Variants in ZMYM4 observed in about 807,000 individuals in gnomAD.
ZMYM4 encodes the protein zinc finger MYM-type containing 4.
A neutral mutation model predicts 183.2 loss-of-function variants in ZMYM4; 31 were observed. The ratio of observed to expected loss-of-function variants is 0.17; its 90% confidence interval spans 0.13 to 0.23. The LOEUF (loss-of-function observed/expected upper bound fraction) is 0.23. Ranked by LOEUF, ZMYM4 falls within the 10% of genes least tolerant of loss-of-function variation. The probability of loss-of-function intolerance (pLI) is 1.00; values close to 1 mark genes in which losing one functional copy is unlikely to be tolerated. For synonymous variants in ZMYM4, 592 were observed against 631.2 expected, an observed-to-expected ratio of 0.94 and a Z score of 0.93; for missense variants, 1,273 against 1,840.3, an observed-to-expected ratio of 0.69 and a Z score of 5.64.
intron 1 of ZMYM4, among the ~76,000 whole-genome samples, chr1:35,298,171 T>TAAAAA (rs1641108302): frequency 6.6e-6 from 1 of 152,130 alleles, no homozygotes; most frequent in Non-Finnish European, 1.5e-5. Context: ...GGGGCAGGCT[T>TAAAAA]TTGCTGGCAA....
chr1:35,269,184 C>T (rs1313202599), intron 1 of ZMYM4, 99 bp downstream of exon 1: 2 of 1,409,328 alleles, frequency 1.4e-6, no homozygotes, highest in Non-Finnish European at 1.9e-6. Context: ...CGCCGAGGCC[C>T]AGTTAGGACA....
intron 2 of ZMYM4, among the ~76,000 whole-genome samples, chr1:35,339,377 G>A (rs1212724470): frequency 6.6e-6 from 1 of 152,052 alleles, no homozygotes; most frequent in Non-Finnish European, 1.5e-5. Flanking sequence ...TGGGATTATA[G>A]GCACCTGCCA....
chr1:35,385,999 AGTATT>A, intron 10 of ZMYM4, 70 bp from the exon 11 acceptor site: 1 of 1,065,574 alleles, frequency 9.4e-7, no homozygotes, highest in Non-Finnish European at 1.4e-6. Flanking sequence ...TATATTGTAT[AGTATT>A]ATTTAATTTC....
rs78279826 is a variant in ZMYM4 at position 35,384,805 on chromosome 1, C to A, written c.1570-637C>A. Among the ~76,000 whole-genome samples the A allele has an allele frequency of 8.6e-3, 1,279 of 149,566 alleles. 35 individuals carry two copies. Among genetic ancestry groups the A allele is most frequent in the East Asian group, 0.081 (414 of 5,118 alleles). Reference sequence around the variant, plus strand: ...TATTAATAGACCCTGAAATTAATTACTAGGTTATAACCAGCATTATTATTT... The same window carrying A: ...TATTAATAGACCCTGAAATTAATTAATAGGTTATAACCAGCATTATTATTT... On this transcript the variant is annotated intron_variant, in intron 9 of 29. Coordinates refer to ENST00000314607, the MANE Select transcript of ZMYM4 (RefSeq NM_005095.3).
chr1:35,328,477 G>A (rs1274139743), intron 2 of ZMYM4, among the ~76,000 whole-genome samples: 2 of 32,112 alleles, frequency 6.2e-5, no homozygotes, highest in African/African-American at 1.4e-4. Context: ...TTTTTTTTTT[G>A]TAGAGATTAG....
chr1:35,376,035 T>TGG (rs1644326941), intron 7 of ZMYM4, among the ~76,000 whole-genome samples: 1 of 151,684 alleles, frequency 6.6e-6, no homozygotes, highest in African/African-American at 2.4e-5. Context: ...ATGATCACAC[T>TGG]CCTGCTCTTC....
rs1306657984 is a variant in ZMYM4, at chr1:35,421,621, T to C, written c.*1944T>C. On this transcript the variant is annotated 3_prime_UTR_variant, in exon 30 of 30. Transcript: ENST00000314607. ...TTACTGAGAACACCCAATACCCAGATAAATGACTGTATCAGGATTTCATTT... is the reference window on the plus strand; with the variant it reads ...TTACTGAGAACACCCAATACCCAGACAAATGACTGTATCAGGATTTCATTT... The C allele has an allele frequency of 2.0e-5, 3 of 152,238 alleles. No homozygotes were observed. The highest frequency in any genetic ancestry group is 4.4e-5 in the Non-Finnish European group (3 of 68,030). 9.4% of individuals were successfully genotyped at this position (152,238 alleles called of 1,614,324 possible).
Position 35,370,058 on chromosome 1 carries a change from T to C in ZMYM4, c.870T>C (p.Thr290=). The change falls in exon 6 of 30, where the codon ACT becomes ACC. Residue 290 remains threonine (T), a synonymous_variant. Coordinates refer to ENST00000314607, the MANE Select transcript of ZMYM4 (RefSeq NM_005095.3). ...QEYSHGQQQK[T]QEGELKISAV... ...ATAGTCATGGCCAACAGCAAAAAAC[T>C]CAAGAGGGGGAACTGAAAATTAGTG... 1.2e-6 allele frequency: 2 copies of C among 1,613,426 alleles called. No individual in the cohort carries two copies. Among genetic ancestry groups the C allele is most frequent in the Non-Finnish European group, 1.7e-6 (2 of 1,179,566 alleles).
At chr1:35,305,549 C>T (rs1641497523) in intron 1 of ZMYM4, among the ~76,000 whole-genome samples, 1 of 149,886 alleles carries the variant, frequency 6.7e-6, no homozygotes, top group African/African-American at 2.5e-5. Flanking sequence ...CATGTTTTCT[C>T]TTCTTTTTTT....
In ZMYM4 at chr1:35,381,763, A is replaced by G. The variant is rs940183835; in HGVS notation, c.1569+5A>G. 5.6e-6 allele frequency: 9 copies of G among 1,613,498 alleles called. No homozygotes were observed. The highest frequency in any genetic ancestry group is 4.0e-5 in the African/African-American group (3 of 74,920). On this transcript the variant is annotated splice_donor_5th_base_variant and intron_variant, in intron 9 of 29. Coordinates refer to ENST00000314607, the MANE Select transcript of ZMYM4 (RefSeq NM_005095.3). ...TGTATCACGGCATACAAGCAGGTAC[A>G]TGACCATATTTAATCTTGATGTCTT...
rs1274754108 is a variant in ZMYM4, at chr1:35,329,644, C to A, written c.85+4239C>A. On this transcript the variant is annotated intron_variant, in intron 2 of 29. Transcript: ENST00000314607. ...AGTTATTTGGATTCTAAAAATTATT[C>A]TTATTATTTTGACTACTTTCAGTGT... Among the ~76,000 whole-genome samples, 8 of 152,028 alleles carry A rather than the reference C, an allele frequency of 5.3e-5. No homozygotes were observed. The East Asian group carries it at 1.3e-3, about 26-fold the overall frequency.
chr1:35,274,041 TAATAA>T (rs1479445644), intron 1 of ZMYM4, among the ~76,000 whole-genome samples: 2 of 152,222 alleles, frequency 1.3e-5, no homozygotes, highest in Non-Finnish European at 2.9e-5. Flanking sequence ...TAATATTTTA[TAATAA>T]AATAATTGCA....
At chr1:35,307,190 A>T (rs1641571388) in intron 1 of ZMYM4, among the ~76,000 whole-genome samples, 1 of 152,186 alleles carries the variant, frequency 6.6e-6, no homozygotes, top group African/African-American at 2.4e-5. Context: ...TTGAATTCTT[A>T]GTAGTATCAT....
At chr1:35,282,979 G>GTTTTTTTTTTTTTTTTTTTTTTTT (rs1452098602) in intron 1 of ZMYM4, among the ~76,000 whole-genome samples, 1 of 43,240 alleles carries the variant, frequency 2.3e-5, no homozygotes, top group Non-Finnish European at 6.2e-5. Flanking sequence ...CTGTGTGTGT[G>GTTTTTTTTTTTTTTTTTTTTTTTT]GTTTTTTTTT....
chr1:35,335,894 A>C (rs1642954489), intron 2 of ZMYM4, among the ~76,000 whole-genome samples: 1 of 152,220 alleles, frequency 6.6e-6, no homozygotes. Flanking sequence ...CGGAGCTTGC[A>C]GTGAGCCTGG....
intron 1 of ZMYM4, among the ~76,000 whole-genome samples, chr1:35,299,498 T>C (rs1033926398): frequency 6.6e-6 from 1 of 152,174 alleles, no homozygotes; most frequent in Non-Finnish European, 1.5e-5. Context: ...TTACTTGGTG[T>C]ACACCCTTTG....
intron 2 of ZMYM4, among the ~76,000 whole-genome samples, chr1:35,346,650 C>CAAAAAAAAAAAAAAA (rs746472685): frequency 2.8e-4 from 15 of 54,166 alleles, no homozygotes; most frequent in Non-Finnish European, 4.2e-4. Flanking sequence ...GACTCCATCT[C>CAAAAAAAAAAAAAAA]AAAAAAAAAA....
At chr1:35,320,293 A>G (rs899619565) in intron 1 of ZMYM4, among the ~76,000 whole-genome samples, 1 of 152,232 alleles carries the variant, frequency 6.6e-6, no homozygotes, top group Non-Finnish European at 1.5e-5. Context: ...TCATGGCTGC[A>G]TAATGAAGCC....
chr1:35,335,882 G>A (rs1369164317), intron 2 of ZMYM4, among the ~76,000 whole-genome samples: 5 of 152,202 alleles, frequency 3.3e-5, no homozygotes, highest in Non-Finnish European at 7.3e-5. Context: ...GAACCTGGGA[G>A]GCGGAGCTTG....
Sources: allele counts gnomAD v4.1 joint callset (sites outside exome capture counted in the v4.1 genomes callset), GRCh38; gene constraint gnomAD v4.1.1; transcripts MANE v1.5; gene names NCBI Gene and HGNC (gene_info 2026-07-23, HGNC 2026-07-21).